Variants in LAMB4 observed in about 807,000 individuals in gnomAD.
LAMB4 encodes laminin subunit beta-4.
Under a neutral mutation model 199.2 loss-of-function variants are expected in LAMB4, and 196 were observed. The observed-to-expected ratio is 0.98, with a 90% confidence interval of 0.88 to 1.11. LAMB4 has a LOEUF of 1.11. Ranked by LOEUF, LAMB4 falls within the 50% of genes least tolerant of loss-of-function variation. The pLI, the probability that LAMB4 is intolerant of heterozygous loss-of-function variation, is 0.00. For synonymous variants in LAMB4, 744 were observed against 770.6 expected, an observed-to-expected ratio of 0.97 and a Z score of 0.57; for missense variants, 2,080 against 2,171.2, an observed-to-expected ratio of 0.96 and a Z score of 0.83.
chr7:108,099,456 C>A (rs969916669), intron 10 of LAMB4, among the ~76,000 whole-genome samples: 1 of 152,158 alleles, frequency 6.6e-6, no homozygotes, highest in Admixed American at 6.5e-5. Context: ...TGAGGAAGAA[C>A]TCTCAAATAG....
At chr7:108,105,323 G>A (rs961538170) in intron 8 of LAMB4, among the ~76,000 whole-genome samples, 10 of 152,126 alleles carry the variant, frequency 6.6e-5, no homozygotes, top group Admixed American at 1.3e-4. Flanking sequence ...AACATTTTAC[G>A]ATATCAGATA....
At chr7:108,042,937 C>CTG (rs754739499) in intron 29 of LAMB4, among the ~76,000 whole-genome samples, 22,291 of 140,244 alleles carry the variant, frequency 0.16, 1,807 homozygotes, top group South Asian at 0.26. Flanking sequence ...CTCTCAATCT[C>CTG]TGTGTGTGTG....
At chr7:108,117,199 A>C (rs1283373400) in intron 2 of LAMB4, among the ~76,000 whole-genome samples, 1 of 152,218 alleles carries the variant, frequency 6.6e-6, no homozygotes, top group Admixed American at 6.5e-5. Context: ...TACAGCATAC[A>C]TGGTTTTGTG....
intron 12 of LAMB4, among the ~76,000 whole-genome samples, chr7:108,093,153 G>A (rs748944768): frequency 6.6e-6 from 1 of 151,992 alleles, no homozygotes; most frequent in Non-Finnish European, 1.5e-5. Flanking sequence ...GCCAACCTCC[G>A]CCTCCCAGGT....
At chr7:108,092,582 T>C (rs913393558) in intron 12 of LAMB4, among the ~76,000 whole-genome samples, 166 bp from the exon 13 acceptor site, 1 of 152,190 alleles carries the variant, frequency 6.6e-6, no homozygotes, top group Non-Finnish European at 1.5e-5. Context: ...TGATCTTCCA[T>C]GGACACATCT....
rs182343028 is a variant in LAMB4 at position 108,046,938 on chromosome 7, T to G, written c.4326+970A>C. Among the ~76,000 whole-genome samples the G allele has an allele frequency of 2.3e-3, 349 of 151,584 alleles. 3 individuals are homozygous for G. Among genetic ancestry groups the G allele is most frequent in the Non-Finnish European group, 2.3e-3 (159 of 67,868 alleles). On this transcript the variant is annotated intron_variant, in intron 28 of 33. Coordinates refer to ENST00000388781, the MANE Select transcript of LAMB4 (RefSeq NM_007356.3). ...TTTCTTTTATTATTATTATTATTAT[T>G]TTAAATAAAGTAGAGATACGGCCTC...
At chr7:108,026,937 G>A (rs1460418213) in intron 33 of LAMB4, 4 of 515,004 alleles carry the variant, frequency 7.8e-6, no homozygotes, top group Non-Finnish European at 1.5e-5. Flanking sequence ...AAGAGAAAAG[G>A]CAGTAGAATG....
In LAMB4 at chr7:108,105,825, G is replaced by A; in HGVS notation, c.862C>T (p.Pro288Ser). ...TTGGATTAATAACTCACCATTCCAG[G>A]AGGGCTGAAAACATCTCCCCGCATC... ...QKMRGDVFSP[P>S]GMVHGQCVCQ... Residue 288 changes from proline to serine, a missense_variant, in exon 8 of 34, where the codon CCT becomes TCT. By Grantham distance (74) the Pro-to-Ser change is moderately conservative. Transcript: ENST00000388781. The A allele has an allele frequency of 6.2e-7, 1 of 1,614,132 alleles. No homozygotes were observed. The highest frequency in any genetic ancestry group is 8.5e-7 in the Non-Finnish European group (1 of 1,179,960).
intron 24 of LAMB4, among the ~76,000 whole-genome samples, chr7:108,057,337 C>A (rs2036015631): frequency 1.3e-5 from 2 of 152,156 alleles, no homozygotes; most frequent in Admixed American, 6.5e-5. Flanking sequence ...GGGTTTTAAC[C>A]CAGCAATTCC....
At chr7:108,070,414 G>A (rs1392596292) in intron 17 of LAMB4, among the ~76,000 whole-genome samples, 1 of 152,122 alleles carries the variant, frequency 6.6e-6, no homozygotes, top group Admixed American at 6.5e-5. Context: ...ACTGACGCTT[G>A]AACAACACAG....
At chr7:108,070,091 GA>G (rs959696836) in intron 17 of LAMB4, among the ~76,000 whole-genome samples, 17 of 149,944 alleles carry the variant, frequency 1.1e-4, no homozygotes, top group Admixed American at 2.7e-4. Flanking sequence ...TTGTGGCTAA[GA>G]AAAAAAAAGC....
In LAMB4 at chr7:108,123,208, AAAAGGTT is replaced by A. The variant is rs769694461; in HGVS notation, c.-33-18_-33-12del. 1 of 1,534,834 alleles carries A rather than the reference AAAAGGTT, an allele frequency of 6.5e-7. No individual in the cohort carries two copies. The highest frequency in any genetic ancestry group is 8.9e-7 in the Non-Finnish European group (1 of 1,119,724). On this transcript the variant is annotated splice_polypyrimidine_tract_variant and intron_variant, in intron 1 of 33. Coordinates refer to ENST00000388781, the MANE Select transcript of LAMB4 (RefSeq NM_007356.3). ...TTAAATTCAATTCTACTGGGTTAAA[AAAAGGTT>A]AAAGTCAATCACTGATAGAAGAAAT...
At chr7:108,128,658 A>G (rs192701521) in intron 1 of LAMB4, among the ~76,000 whole-genome samples, 7 of 152,320 alleles carry the variant, frequency 4.6e-5, no homozygotes, top group Admixed American at 6.5e-5. Context: ...GAAATCACCT[A>G]TCCAGTCATT....
At chr7:108,061,533 G>A (rs575708641) in intron 23 of LAMB4, among the ~76,000 whole-genome samples, 1 of 152,202 alleles carries the variant, frequency 6.6e-6, no homozygotes, top group Non-Finnish European at 1.5e-5. Context: ...GAGATCAGGA[G>A]TTTGAAACCA....
chr7:108,079,474 T>G, intron 15 of LAMB4, 127 bp downstream of exon 15: 1 of 771,222 alleles, frequency 1.3e-6, no homozygotes, highest in South Asian at 2.2e-5. Flanking sequence ...TTTATAATGC[T>G]CCCCAGATGT....
At chr7:108,108,061 C>T (rs1278448275) in intron 5 of LAMB4, among the ~76,000 whole-genome samples, 1 of 152,158 alleles carries the variant, frequency 6.6e-6, no homozygotes, top group Non-Finnish European at 1.5e-5. Flanking sequence ...CCACCTCAGC[C>T]TCCTGAGTAG....
chr7:108,016,813 C>A, the LAMB4 span, among the ~76,000 whole-genome samples: 1 of 152,070 alleles, frequency 6.6e-6, no homozygotes, highest in Admixed American at 6.6e-5. Context: ...ATTTCAAAGT[C>A]TTCACTGTAA....
At chr7:108,104,738 T>A (rs1469949520) in intron 8 of LAMB4, 119 bp from the exon 9 acceptor site, 33 of 1,113,314 alleles carry the variant, frequency 3.0e-5, no homozygotes, top group African/African-American at 6.3e-5. Context: ...GTTTCCCATA[T>A]GTTAATTACA....
rs533179504 is a variant in LAMB4 at position 108,036,635 on chromosome 7, A to T, written c.4679+753T>A. ...AGTGACAATGGCTCAGATCTCAGTG[A>T]TGGTGGGTGTTGATGATACTACCAC... is the stretch of plus-strand genomic sequence containing the variant. On this transcript the variant is annotated intron_variant, in intron 30 of 33. Transcript: ENST00000388781. 4.6e-4 allele frequency among the ~76,000 whole-genome samples: 70 copies of T among 152,190 alleles called. 1 individual carries two copies. The highest frequency in any genetic ancestry group is 4.4e-5 in the Non-Finnish European group (3 of 68,002).
Sources: gnomAD v4.1 joint callset for allele counts (sites outside exome capture counted in the v4.1 genomes callset) on GRCh38, gnomAD v4.1.1 for gene constraint, MANE v1.5 for transcripts, NCBI Gene and HGNC (gene_info 2026-07-23, HGNC 2026-07-21) for gene names.